PTPRM: variants seen among roughly 807,000 people sequenced by gnomAD.
PTPRM encodes protein tyrosine phosphatase receptor type M, also known as receptor-type tyrosine-protein phosphatase mu.
PTPRM carries 47 observed loss-of-function variants against 186.7 expected under a neutral mutation model. The ratio of observed to expected loss-of-function variants is 0.25; its 90% CI spans 0.20 to 0.32. The LOEUF is 0.32. PTPRM is among the 10% of genes least tolerant of loss of function. PTPRM has a pLI of 1.00. For synonymous variants in PTPRM, 668 were observed against 674.9 expected (o/e 0.99, Z 0.16); for missense variants, 1,494 against 1,865.0 (o/e 0.80, Z 3.66).
At chr18:8,261,772 T>G (rs1009253350) in intron 19 of PTPRM, among the ~76,000 whole-genome samples, 1 of 152,216 alleles carries the variant, frequency 6.6e-6, no homozygotes, top group Admixed American at 6.5e-5. Context: ...TGATGATAAT[T>G]CATGGCAGTT....
At chr18:7,897,744 G>A (rs190269046) in intron 3 of PTPRM, among the ~76,000 whole-genome samples, 450 of 152,020 alleles carry the variant, frequency 3.0e-3, no homozygotes, top group Middle Eastern at 6.8e-3. Context: ...GTGGTCTGCC[G>A]CTATATGCAT....
At chr18:7,831,397 C>A (rs1734358792) in intron 2 of PTPRM, among the ~76,000 whole-genome samples, 1 of 151,600 alleles carries the variant, frequency 6.6e-6, no homozygotes, top group African/African-American at 2.4e-5. Context: ...GAACATTTAT[C>A]ACCTTTTATT....
intron 2 of PTPRM, among the ~76,000 whole-genome samples, chr18:7,881,832 T>G (rs973705134): frequency 1.3e-5 from 2 of 152,208 alleles, no homozygotes; most frequent in African/African-American, 4.8e-5. Context: ...GGGTGCAGCC[T>G]TTCCATTCAC....
chr18:7,918,023 T>G (rs1239868364), intron 4 of PTPRM, among the ~76,000 whole-genome samples: 3 of 152,158 alleles, frequency 2.0e-5, no homozygotes, highest in African/African-American at 7.2e-5. Flanking sequence ...TTCATGCTTT[T>G]TTGTGGCTGA....
intron 7 of PTPRM, among the ~76,000 whole-genome samples, chr18:8,050,452 A>G (rs2087402341): frequency 6.6e-6 from 1 of 151,826 alleles, no homozygotes; most frequent in South Asian, 2.1e-4. Context: ...GAATATGAAT[A>G]TTGAACTCTG....
chr18:7,953,651 T>C (rs1252641863), intron 6 of PTPRM, among the ~76,000 whole-genome samples: 2 of 152,120 alleles, frequency 1.3e-5, no homozygotes, highest in Non-Finnish European at 2.9e-5. Context: ...ACCTTGAATA[T>C]AAAAAAGAAC....
At chr18:7,878,131 A>G (rs1280094397) in intron 2 of PTPRM, among the ~76,000 whole-genome samples, 1 of 152,214 alleles carries the variant, frequency 6.6e-6, no homozygotes, top group Non-Finnish European at 1.5e-5. Context: ...TAGTGGTAAG[A>G]TAACTATTTT....
chr18:7,849,540 A>T (rs1174677110), intron 2 of PTPRM, among the ~76,000 whole-genome samples: 1 of 152,212 alleles, frequency 6.6e-6, no homozygotes, highest in East Asian at 1.9e-4. Flanking sequence ...TTTTCTGGGG[A>T]TGCCAGTACT....
Position 8,349,574 on chromosome 18 carries a change from C to T in PTPRM, c.3054+6054C>T, listed in dbSNP as rs532778143. ...AGGATGAAGCTGACATAAGCCTTAC[C>T]TCCCTCCTGCATGTTACCCCTGGGC... On this transcript the variant is annotated intron_variant, in intron 23 of 32. Transcript: ENST00000580170. 7.9e-5 allele frequency among the ~76,000 whole-genome samples: 12 copies of T among 152,084 alleles called. No homozygotes were observed. In the South Asian group the frequency reaches 2.3e-3, roughly 29 times the overall value.
At chr18:7,771,396 C>A (rs527729770) in intron 1 of PTPRM, among the ~76,000 whole-genome samples, 4 of 152,150 alleles carry the variant, frequency 2.6e-5, no homozygotes, top group Admixed American at 1.3e-4. Context: ...CAATACTTCT[C>A]GTAAATGTTT....
At chr18:8,114,433 A>G (rs1439096067) in intron 12 of PTPRM, among the ~76,000 whole-genome samples, 1 of 152,072 alleles carries the variant, frequency 6.6e-6, no homozygotes, top group Non-Finnish European at 1.5e-5. Flanking sequence ...TTGCCGGTGT[A>G]AAGGGGGGAA....
At chr18:8,143,900 T>A in intron 14 of PTPRM, 121 bp downstream of exon 14, 2 of 1,256,550 alleles carry the variant, frequency 1.6e-6, no homozygotes, top group Non-Finnish European at 2.2e-6. Context: ...TCTGTGACTC[T>A]GTGATTGTTA....
At chr18:7,618,617 T>G (rs2037863402) in intron 1 of PTPRM, among the ~76,000 whole-genome samples, 1 of 152,190 alleles carries the variant, frequency 6.6e-6, no homozygotes, top group Non-Finnish European at 1.5e-5. Context: ...CAGAACCAAG[T>G]AAGAATCTCA....
At chr18:8,301,985 G>A (rs370348591) in intron 20 of PTPRM, among the ~76,000 whole-genome samples, 104 of 152,352 alleles carry the variant, frequency 6.8e-4, no homozygotes, top group East Asian at 4.8e-3. Flanking sequence ...CCGGAGCAGC[G>A]GGAGTGGGGT....
intron 19 of PTPRM, among the ~76,000 whole-genome samples, chr18:8,286,501 T>C (rs1212568341): frequency 6.6e-6 from 1 of 152,248 alleles, no homozygotes; most frequent in Non-Finnish European, 1.5e-5. Context: ...TCATATTTAC[T>C]CTTGTAGACT....
intron 9 of PTPRM, among the ~76,000 whole-genome samples, chr18:8,079,044 T>G (rs539964397): frequency 6.6e-6 from 1 of 152,224 alleles, no homozygotes; most frequent in East Asian, 1.9e-4. Context: ...TTATTCTCTG[T>G]TCTCTCTTTG....
chr18:8,069,133 A>T (rs1296044934), intron 7 of PTPRM, among the ~76,000 whole-genome samples: 1 of 140,462 alleles, frequency 7.1e-6, no homozygotes, highest in Non-Finnish European at 1.6e-5. Flanking sequence ...AAAAAAAAAA[A>T]AGCAGATTGG....
chr18:7,743,589 A>G (rs565922255), intron 1 of PTPRM, among the ~76,000 whole-genome samples: 1 of 152,334 alleles, frequency 6.6e-6, no homozygotes, highest in African/African-American at 2.4e-5. Flanking sequence ...AATTAGACAT[A>G]TGGAACTCCT....
At chr18:8,375,702 C>T (rs1472890363) in intron 24 of PTPRM, among the ~76,000 whole-genome samples, 1 of 152,214 alleles carries the variant, frequency 6.6e-6, no homozygotes, top group Admixed American at 6.5e-5. Flanking sequence ...CTCACCTCAC[C>T]AGCCACCTTG....
Sources: allele counts gnomAD v4.1 joint callset (sites outside exome capture counted in the v4.1 genomes callset), GRCh38; gene constraint gnomAD v4.1.1; transcripts MANE v1.5; gene names NCBI Gene and HGNC (gene_info 2026-07-23, HGNC 2026-07-21).